LSM5: variants seen among roughly 807,000 people sequenced by gnomAD.
LSM5 encodes the protein U6 snRNA-associated Sm-like protein LSm5.
LSM5 carries 8 observed loss-of-function variants against 13.8 expected under a neutral mutation model. The ratio of observed to expected loss-of-function variants is 0.58; its 90% CI spans 0.34 to 1.04. The LOEUF is 1.04. LSM5 is among the 50% of genes least tolerant of loss of function. The pLI, the probability that LSM5 is intolerant of heterozygous loss-of-function variation, is 0.03. For synonymous variants in LSM5, 35 were observed against 37.0 expected (o/e 0.95, Z 0.20); for missense variants, 80 against 108.1 (o/e 0.74, Z 1.15).
chr7:32,491,954 CT>C (rs1786605149), upstream of LSM5, among the ~76,000 whole-genome samples: 2 of 146,350 alleles, frequency 1.4e-5, no homozygotes, highest in East Asian at 4.0e-4. Context: ...TGTAGGGCGC[CT>C]AATGAATATT....
upstream of LSM5, chr7:32,490,404 A>G (rs771919373): frequency 3.9e-6 from 6 of 1,555,362 alleles, no homozygotes; most frequent in South Asian, 2.2e-5. Context: ...TGATGGTGGG[A>G]CGACTTTGAA....
intron 1 of LSM5, chr7:32,489,978 T>C (rs962769081): frequency 2.4e-6 from 3 of 1,230,204 alleles, no homozygotes; most frequent in Non-Finnish European, 3.1e-6. Context: ...ACATGGTCTA[T>C]CTAATCTGGG....
upstream of LSM5, among the ~76,000 whole-genome samples, chr7:32,492,704 A>C (rs1786621641): frequency 6.6e-6 from 1 of 152,262 alleles, no homozygotes; most frequent in Admixed American, 6.5e-5. Context: ...GGCAAGACAC[A>C]AAAAGGAAGA....
upstream of LSM5, among the ~76,000 whole-genome samples, chr7:32,493,446 CTGTG>C (rs563009331): frequency 2.6e-5 from 4 of 151,750 alleles, no homozygotes; most frequent in South Asian, 8.4e-4. Flanking sequence ...GTGGTCCAGT[CTGTG>C]TATTTAGAGA....
chr7:32,486,931 G>A lies in LSM5; in HGVS notation c.*330C>T, dbSNP rs1786462079. ...TTTTGTTTGAGAATCAAATGGTCAC[G>A]TAAATGACAAAACAAATAAGCATAT... On this transcript the variant is annotated 3_prime_UTR_variant, in exon 5 of 5. Coordinates refer to ENST00000450169, the MANE Select transcript of LSM5 (RefSeq NM_012322.3). The A allele has an allele frequency of 7.4e-6, 2 of 269,360 alleles. No homozygotes were observed. Among genetic ancestry groups the A allele is most frequent in the East Asian group, 9.7e-5 (1 of 10,292 alleles). 16.7% of individuals were successfully genotyped at this position (269,360 alleles called of 1,614,324 possible).
At chr7:32,488,846 C>G (rs1786508111) in intron 2 of LSM5, among the ~76,000 whole-genome samples, 194 bp from the exon 3 acceptor site, 3 of 152,210 alleles carry the variant, frequency 2.0e-5, no homozygotes, top group African/African-American at 7.2e-5. Context: ...GCCTTAGCCC[C>G]GGAGATTAGC....
In LSM5 at chr7:32,486,145, A is replaced by C. The variant is rs562044293; in HGVS notation, c.*1116T>G. ...CAATATATACCCTTTGATCTTACACATTTTTGAGTTTATTCTAGAAAAATA... is the reference window on the plus strand; with the variant it reads ...CAATATATACCCTTTGATCTTACACCTTTTTGAGTTTATTCTAGAAAAATA... On this transcript the variant is annotated 3_prime_UTR_variant, in exon 5 of 5. Transcript: ENST00000450169. The C allele has an allele frequency of 1.3e-5, 2 of 152,280 alleles. No individual in the cohort carries two copies. The highest frequency in any genetic ancestry group is 1.3e-4 in the Admixed American group (2 of 15,288). The allele number at this position is 152,280 out of a possible 1,614,324, so 9.4% of individuals were successfully genotyped here. A position where few individuals can be genotyped will look rare whatever the true frequency, so the allele number is the denominator to read the frequency against.
At chr7:32,490,077 C>A in intron 1 of LSM5, 1 of 1,491,290 alleles carries the variant, frequency 6.7e-7, no homozygotes. Context: ...GACGCGTTCA[C>A]TAAATGTGGA....
chr7:32,487,383 C>A, intron 4 of LSM5, 90 bp from the exon 5 acceptor site: 2 of 983,722 alleles, frequency 2.0e-6, no homozygotes, highest in South Asian at 2.7e-5. Context: ...CTTTGCCTGT[C>A]CCCTGCACTC....
intron 3 of LSM5, 90 bp from the exon 4 acceptor site, chr7:32,487,847 C>T: frequency 2.8e-6 from 2 of 707,966 alleles, no homozygotes; most frequent in South Asian, 1.5e-5. Flanking sequence ...AAAGGTTATC[C>T]TTGTATACAA....
upstream of LSM5, chr7:32,490,533 C>T: frequency 1.6e-6 from 1 of 625,290 alleles, no homozygotes; most frequent in Non-Finnish European, 2.9e-6. Flanking sequence ...AAGTGAGATC[C>T]GGTGAAATAT....
upstream of LSM5, among the ~76,000 whole-genome samples, chr7:32,491,129 G>A (rs1220604411): frequency 6.6e-6 from 1 of 152,114 alleles, no homozygotes; most frequent in Non-Finnish European, 1.5e-5. Context: ...AGGCGCAGTG[G>A]TAACGACTGT....
chr7:32,494,978 A>C (rs1362581404), upstream of LSM5: 1 of 152,202 alleles, frequency 6.6e-6, no homozygotes, highest in Non-Finnish European at 1.5e-5. Flanking sequence ...GGCTGAATAC[A>C]CAGATACGCA....
chr7:32,494,383 A>G (rs1786682844), upstream of LSM5, among the ~76,000 whole-genome samples: 1 of 152,216 alleles, frequency 6.6e-6, no homozygotes, highest in Non-Finnish European at 1.5e-5. Context: ...GTATAGCAGC[A>G]TCTTGAAAAA....
intron 1 of LSM5, chr7:32,489,666 CT>C: frequency 3.2e-6 from 1 of 309,754 alleles, no homozygotes; most frequent in South Asian, 3.0e-5. Context: ...CACTGCTTCC[CT>C]TTCCCAACTC....
upstream of LSM5, among the ~76,000 whole-genome samples, chr7:32,491,689 A>G (rs1170585216): frequency 1.3e-5 from 2 of 152,250 alleles, no homozygotes; most frequent in Non-Finnish European, 2.9e-5. Flanking sequence ...TACTCATAAG[A>G]TTAATGTGAA....
Position 32,489,898 on chromosome 7 carries a change from G to A in LSM5, c.46+422C>T, listed in dbSNP as rs1786536748. 2.8e-5 allele frequency: 13 copies of A among 465,610 alleles called. No homozygotes were observed. In the South Asian group the frequency reaches 2.9e-4, roughly 10 times the overall value. 28.8% of individuals were successfully genotyped at this position (465,610 alleles called of 1,614,324 possible). A position where few individuals can be genotyped will look rare whatever the true frequency, so the allele number is the denominator to read the frequency against. ...AATGAATAAATAACAAACAGAGCTG[G>A]TTTCCAGATTCCTCATTTAAGGCTC... On this transcript the variant is annotated intron_variant, in intron 1 of 4. Coordinates refer to ENST00000450169, the MANE Select transcript of LSM5 (RefSeq NM_012322.3).
At chr7:32,488,756 C>G in intron 2 of LSM5, 104 bp from the exon 3 acceptor site, 1 of 780,010 alleles carries the variant, frequency 1.3e-6, no homozygotes, top group Non-Finnish European at 2.2e-6. Flanking sequence ...CAAAGTCTCG[C>G]TCTGTCATCC....
At chr7:32,489,405 C>A in intron 1 of LSM5, 61 bp from the exon 2 acceptor site, 3 of 898,874 alleles carry the variant, frequency 3.3e-6, no homozygotes, top group Non-Finnish European at 3.7e-6. Context: ...TGAGTGCCTA[C>A]TGGCACTCTT....
Sources: allele counts gnomAD v4.1 joint callset (sites outside exome capture counted in the v4.1 genomes callset), GRCh38; gene constraint gnomAD v4.1.1; transcripts MANE v1.5; gene names NCBI Gene and HGNC (gene_info 2026-07-23, HGNC 2026-07-21).